SNX29: variants seen among roughly 807,000 people sequenced by gnomAD.
The protein encoded by SNX29 is sorting nexin-29.
A neutral mutation model predicts 102.1 loss-of-function variants in SNX29; 78 were observed. The observed-to-expected ratio is 0.76, with a 90% CI of 0.64 to 0.92. The LOEUF (loss-of-function observed/expected upper bound fraction) is 0.92. Among genes scored for constraint, SNX29 ranks in the 40% least tolerant of loss-of-function variants. The probability of loss-of-function intolerance (pLI) is 0.00; values close to 1 mark genes in which losing one functional copy is unlikely to be tolerated. For missense variants in SNX29, 1,280 were observed against 1,061.7 expected, an observed-to-expected ratio of 1.21 and a Z score of -2.86; for synonymous variants, 580 against 414.5, an observed-to-expected ratio of 1.40 and a Z score of -4.85.
chr16:12,231,225 A>C (rs1373443458), intron 14 of SNX29, among the ~76,000 whole-genome samples: 2 of 152,196 alleles, frequency 1.3e-5, no homozygotes, highest in Admixed American at 6.5e-5. Context: ...TAGGATGTAA[A>C]GGTCCCTGGA....
At chr16:12,010,622 C>G (rs1171141295) in intron 3 of SNX29, among the ~76,000 whole-genome samples, 1 of 152,012 alleles carries the variant, frequency 6.6e-6, no homozygotes, top group African/African-American at 2.4e-5. Flanking sequence ...GACCTCGTCT[C>G]AAAACAAACA....
chr16:12,479,378 A>T (rs980427983), intron 19 of SNX29, among the ~76,000 whole-genome samples: 1 of 152,246 alleles, frequency 6.6e-6, no homozygotes, highest in Non-Finnish European at 1.5e-5. Context: ...TGGGAATTTC[A>T]TAGGGAAATC....
chr16:12,057,244 C>G (rs1438762139), intron 8 of SNX29, among the ~76,000 whole-genome samples: 2 of 152,300 alleles, frequency 1.3e-5, no homozygotes, highest in South Asian at 4.1e-4. Context: ...AGCAGTTAAG[C>G]AAATGCAAAG....
At chr16:12,183,756 C>A (rs1289872185) in intron 13 of SNX29, among the ~76,000 whole-genome samples, 1 of 152,132 alleles carries the variant, frequency 6.6e-6, no homozygotes. Context: ...GATAGGAGGT[C>A]GGCACAAGAT....
intron 13 of SNX29, among the ~76,000 whole-genome samples, chr16:12,137,533 A>C (rs948630539): frequency 3.9e-4 from 60 of 152,308 alleles, no homozygotes; most frequent in African/African-American, 1.4e-3. Flanking sequence ...TGTACTGTAC[A>C]TCCTGGAATG....
chr16:12,150,941 G>T (rs568609622), intron 13 of SNX29, among the ~76,000 whole-genome samples: 1 of 152,294 alleles, frequency 6.6e-6, no homozygotes, highest in African/African-American at 2.4e-5. Flanking sequence ...ATGGTTACTG[G>T]GGATGTGACC....
At chr16:12,516,564 C>G (rs2089876281) in intron 19 of SNX29, among the ~76,000 whole-genome samples, 1 of 150,628 alleles carries the variant, frequency 6.6e-6, no homozygotes, top group African/African-American at 2.4e-5. Flanking sequence ...GTCTAGTCAA[C>G]ATTCTAGAAT....
intron 18 of SNX29, among the ~76,000 whole-genome samples, chr16:12,449,737 G>C (rs757452943): frequency 1.3e-5 from 2 of 152,194 alleles, no homozygotes; most frequent in African/African-American, 2.4e-5. Context: ...TGGGTTTCCT[G>C]CTGACCACTA....
At chr16:12,516,475 G>A (rs1423099312) in intron 19 of SNX29, among the ~76,000 whole-genome samples, 1 of 106,754 alleles carries the variant, frequency 9.4e-6, no homozygotes, top group Non-Finnish European at 1.9e-5. Flanking sequence ...GAGATATCCC[G>A]TCTCAGAAAA....
intron 20 of SNX29, chr16:12,545,587 C>T (rs1285571311): frequency 1.3e-5 from 2 of 152,226 alleles, no homozygotes; most frequent in Non-Finnish European, 2.9e-5. Context: ...AACCCATTTC[C>T]TCTGGAATCC....
In SNX29 at chr16:12,109,144, A is replaced by AAAAAAAG. The variant is rs1555461964; in HGVS notation, c.1403-17483_1403-17482insGAAAAAA. On this transcript the variant is annotated intron_variant, in intron 11 of 20. Transcript: ENST00000566228. ...CGCTGTCTCAAAAAAAAAAAAAAAA[A>AAAAAAAG]AAAAAAAAAAAGAAAAGGAATTTAT... is the stretch of plus-strand genomic sequence containing the variant. Among the ~76,000 whole-genome samples the AAAAAAAG allele has an allele frequency of 1.8e-4, 23 of 130,548 alleles. 2 individuals carry two copies. Among genetic ancestry groups the AAAAAAAG allele is most frequent in the African/African-American group, 6.3e-4 (20 of 31,822 alleles). The allele number at this position is 130,548 out of a possible 152,430, so 85.6% of individuals were successfully genotyped here. A position where few individuals can be genotyped will look rare whatever the true frequency, so the allele number is the denominator to read the frequency against.
At chr16:12,531,515 A>G (rs1567662033) in intron 20 of SNX29, among the ~76,000 whole-genome samples, 1 of 152,188 alleles carries the variant, frequency 6.6e-6, no homozygotes, top group Non-Finnish European at 1.5e-5. Context: ...CCACTGTCTC[A>G]GGTGTGCAGC....
chr16:12,190,025 T>A (rs2076603613), intron 13 of SNX29, among the ~76,000 whole-genome samples: 1 of 152,214 alleles, frequency 6.6e-6, no homozygotes. Flanking sequence ...AGTAATATAT[T>A]CAGTTATTGA....
chr16:12,193,853 G>A (rs546478144), intron 13 of SNX29, among the ~76,000 whole-genome samples: 3 of 152,298 alleles, frequency 2.0e-5, no homozygotes, highest in Non-Finnish European at 4.4e-5. Context: ...GTGTGTGTCT[G>A]TCATTTTGCC....
Position 12,571,703 on chromosome 16 carries a change from C to G in SNX29, c.*3074C>G, listed in dbSNP as rs1223575703. ...GTCTCTCCTTGAGAGACAACAAAAG[C>G]TTCTAAGGGAGGGAGCTTAAAGGCT... On this transcript the variant is annotated 3_prime_UTR_variant, in exon 21 of 21. Coordinates refer to ENST00000566228, the MANE Select transcript of SNX29 (RefSeq NM_032167.5). 1.9e-6 allele frequency: 2 copies of G among 1,059,408 alleles called. No homozygotes were observed. The highest frequency in any genetic ancestry group is 1.6e-5 in the African/African-American group (1 of 60,658). 65.6% of individuals were successfully genotyped at this position (1,059,408 alleles called of 1,614,324 possible).
At chr16:12,453,445 G>T (rs984446634) in intron 18 of SNX29, among the ~76,000 whole-genome samples, 7 of 152,196 alleles carry the variant, frequency 4.6e-5, no homozygotes, top group Non-Finnish European at 8.8e-5. Flanking sequence ...TAAACAAAAT[G>T]CAGATGCCTA....
intron 20 of SNX29, among the ~76,000 whole-genome samples, chr16:12,557,884 C>G (rs8048155): frequency 0.77 from 117,309 of 152,114 alleles, 45,852 homozygotes; most frequent in Middle Eastern, 0.86. Flanking sequence ...AGGAGGGCCT[C>G]TGCAGGCAAC....
At chr16:12,361,845 T>C (rs547403713) in intron 16 of SNX29, among the ~76,000 whole-genome samples, 37 of 152,310 alleles carry the variant, frequency 2.4e-4, no homozygotes, top group African/African-American at 8.7e-4. Flanking sequence ...AATAAATTTC[T>C]TCCTTTCTCT....
At chr16:12,126,124 C>G (rs541943094) in intron 11 of SNX29, among the ~76,000 whole-genome samples, 1 of 152,332 alleles carries the variant, frequency 6.6e-6, no homozygotes, top group South Asian at 2.1e-4. Context: ...TCCCCTAACT[C>G]TTGAAAATAT....
Sources: allele counts gnomAD v4.1 joint callset (sites outside exome capture counted in the v4.1 genomes callset), GRCh38; gene constraint gnomAD v4.1.1; transcripts MANE v1.5; gene names NCBI Gene and HGNC (gene_info 2026-07-23, HGNC 2026-07-21).